TAS2R1: variants seen among roughly 807,000 people sequenced by gnomAD.
The protein encoded by TAS2R1 is taste receptor type 2 member 1.
For synonymous variants in TAS2R1, 141 were observed against 134.2 expected, an observed-to-expected ratio of 1.05 and a Z score of -0.35; for missense variants, 370 against 353.4, an observed-to-expected ratio of 1.05 and a Z score of -0.38.
upstream of TAS2R1, among the ~76,000 whole-genome samples, chr5:9,631,635 T>G (rs2126474694): frequency 6.6e-6 from 1 of 152,368 alleles, no homozygotes; most frequent in Middle Eastern, 3.4e-3. Context: ...ACTTAGCACT[T>G]AATCAAAAGG....
chr5:9,688,016 G>A (rs1259146881), intron 1 of TAS2R1, among the ~76,000 whole-genome samples: 3 of 152,210 alleles, frequency 2.0e-5, no homozygotes, highest in Non-Finnish European at 4.4e-5. Context: ...CAAACTTACA[G>A]AGGACCAAGG....
the TAS2R1 span, among the ~76,000 whole-genome samples, chr5:9,775,060 T>C: frequency 9.2e-5 from 14 of 152,226 alleles, no homozygotes; most frequent in African/African-American, 2.9e-4. Flanking sequence ...GAGATGTCAT[T>C]CAGGAGCCAG....
the TAS2R1 span, among the ~76,000 whole-genome samples, chr5:9,772,459 G>A: frequency 6.6e-6 from 1 of 152,118 alleles, no homozygotes. Context: ...TTGCGCTGAG[G>A]AGAAGGATGT....
the TAS2R1 span, among the ~76,000 whole-genome samples, chr5:9,818,789 A>C: frequency 6.6e-6 from 1 of 152,190 alleles, no homozygotes; most frequent in Non-Finnish European, 1.5e-5. Context: ...TGATGGGAGG[A>C]AGCATAGAGT....
At chr5:9,832,119 C>T in the TAS2R1 span, among the ~76,000 whole-genome samples, 1 of 152,214 alleles carries the variant, frequency 6.6e-6, no homozygotes, top group Non-Finnish European at 1.5e-5. Flanking sequence ...CTTTGATCTG[C>T]TGACCATGCT....
At chr5:9,826,665 A>G in the TAS2R1 span, among the ~76,000 whole-genome samples, 1 of 152,232 alleles carries the variant, frequency 6.6e-6, no homozygotes, top group Admixed American at 6.5e-5. Flanking sequence ...CACATAAAAA[A>G]AGAGGTTTGC....
the TAS2R1 span, among the ~76,000 whole-genome samples, chr5:9,866,914 C>A: frequency 6.6e-6 from 1 of 152,194 alleles, no homozygotes; most frequent in Non-Finnish European, 1.5e-5. Context: ...AAATATGTGT[C>A]TATACCTGTG....
At chr5:9,829,915 C>A in the TAS2R1 span, among the ~76,000 whole-genome samples, 1 of 152,148 alleles carries the variant, frequency 6.6e-6, no homozygotes, top group Non-Finnish European at 1.5e-5. Context: ...AGCAAAGGGA[C>A]CAGAGATACT....
At chr5:9,721,476 A>G in the TAS2R1 span, among the ~76,000 whole-genome samples, 1 of 152,216 alleles carries the variant, frequency 6.6e-6, no homozygotes, top group Non-Finnish European at 1.5e-5. Flanking sequence ...GCCTGTGTGA[A>G]AGTCCCTGGT....
chr5:9,704,552 T>C (rs1302156296), intron 1 of TAS2R1, among the ~76,000 whole-genome samples: 1 of 152,138 alleles, frequency 6.6e-6, no homozygotes. Context: ...AAATTGCAGA[T>C]TTTTTAAGAA....
the TAS2R1 span, among the ~76,000 whole-genome samples, chr5:9,844,751 T>C: frequency 1.3e-5 from 2 of 152,144 alleles, no homozygotes; most frequent in Non-Finnish European, 2.9e-5. Context: ...TTGTAATAGA[T>C]GAACTTTTCT....
chr5:9,633,294 T>TATATATATATATA (rs1476544403), upstream of TAS2R1, among the ~76,000 whole-genome samples: 32 of 67,804 alleles, frequency 4.7e-4, no homozygotes, highest in East Asian at 3.3e-3. Context: ...TGTGTGTATA[T>TATATATATATATA]TATATATATA....
At chr5:9,777,897 G>A in the TAS2R1 span, among the ~76,000 whole-genome samples, 4 of 136,130 alleles carry the variant, frequency 2.9e-5, no homozygotes, top group African/African-American at 5.5e-5. Context: ...TTTTTGAGAC[G>A]GAGTCTTGCT....
chr5:9,704,386 C>T (rs1741557722), intron 1 of TAS2R1, among the ~76,000 whole-genome samples: 1 of 151,072 alleles, frequency 6.6e-6, no homozygotes, highest in Admixed American at 6.6e-5. Context: ...TCAGATATTA[C>T]AAATCTAATT....
At chr5:9,721,927 G>C in the TAS2R1 span, among the ~76,000 whole-genome samples, 1 of 152,142 alleles carries the variant, frequency 6.6e-6, no homozygotes, top group African/African-American at 2.4e-5. Flanking sequence ...ACTAACTTCT[G>C]TTCCAGGCAG....
At chr5:9,686,459 A>G (rs1741126195) in intron 1 of TAS2R1, among the ~76,000 whole-genome samples, 1 of 152,196 alleles carries the variant, frequency 6.6e-6, no homozygotes, top group Non-Finnish European at 1.5e-5. Flanking sequence ...CTTAGTGGTC[A>G]TTCACCCCAA....
At chr5:9,683,815 A>G (rs192796989) in intron 1 of TAS2R1, among the ~76,000 whole-genome samples, 1 of 152,288 alleles carries the variant, frequency 6.6e-6, no homozygotes, top group Non-Finnish European at 1.5e-5. Flanking sequence ...CCCAAAACAT[A>G]GCTGTGTGTA....
At chr5:9,859,065 T>C in the TAS2R1 span, among the ~76,000 whole-genome samples, 1 of 152,324 alleles carries the variant, frequency 6.6e-6, no homozygotes, top group South Asian at 2.1e-4. Context: ...AGGTTTCCCT[T>C]AAACGATTTT....
At chr5:9,819,284 C>CGAG in the TAS2R1 span, among the ~76,000 whole-genome samples, 1 of 152,138 alleles carries the variant, frequency 6.6e-6, no homozygotes, top group East Asian at 1.9e-4. Context: ...GCAAAGGACT[C>CGAG]GAGGTCACCA....
Sources: gnomAD v4.1 joint callset for allele counts (sites outside exome capture counted in the v4.1 genomes callset) on GRCh38, gnomAD v4.1.1 for gene constraint, MANE v1.5 for transcripts, NCBI Gene and HGNC (gene_info 2026-07-23, HGNC 2026-07-21) for gene names.